Variants in CFAP69 observed in about 807,000 individuals in gnomAD.
CFAP69 encodes cilia and flagella associated protein 69, also known as cilia- and flagella-associated protein 69.
A neutral mutation model predicts 123.0 loss-of-function variants in CFAP69; 92 were observed. That is an observed-to-expected ratio of 0.75 (90% CI 0.63 to 0.89). The LOEUF is 0.89. Among genes scored for constraint, CFAP69 ranks in the 40% least tolerant of loss-of-function variants. The pLI, the probability that CFAP69 is intolerant of heterozygous loss-of-function variation, is 0.00. For synonymous variants in CFAP69, 380 were observed against 364.3 expected (o/e 1.04, Z -0.49); for missense variants, 1,067 against 1,096.9 (o/e 0.97, Z 0.39).
chr7:90,277,912 C>T (rs765387455), intron 11 of CFAP69, among the ~76,000 whole-genome samples: 8 of 152,114 alleles, frequency 5.3e-5, no homozygotes, highest in Non-Finnish European at 8.8e-5. Context: ...CCTCGTCTAT[C>T]TGTGGTTCAT....
At chr7:90,319,044 A>C in the CFAP69 span, 7 of 222,504 alleles carry the variant, frequency 3.1e-5, no homozygotes. Context: ...TTTCTTCAAC[A>C]AATGTAATAT....
chr7:90,277,664 A>G (rs17866982), intron 11 of CFAP69, among the ~76,000 whole-genome samples: 4 of 152,302 alleles, frequency 2.6e-5, no homozygotes, highest in East Asian at 3.8e-4. Flanking sequence ...GTCTCTGACC[A>G]TAACAAGGAC....
the CFAP69 span, chr7:90,318,277 G>C: frequency 6.6e-6 from 1 of 151,994 alleles, no homozygotes; most frequent in Non-Finnish European, 1.5e-5. Context: ...GATATAAATA[G>C]GCAATATAAA....
chr7:90,294,544 C>T (rs1351358806), intron 15 of CFAP69, among the ~76,000 whole-genome samples: 4 of 152,236 alleles, frequency 2.6e-5, no homozygotes, highest in African/African-American at 7.2e-5. Flanking sequence ...GGACCGGGGC[C>T]GCCATTGTGA....
chr7:90,302,838 C>T (rs890147912), intron 17 of CFAP69: 1 of 151,942 alleles, frequency 6.6e-6, no homozygotes, highest in African/African-American at 2.4e-5. Flanking sequence ...GAATAGTTTT[C>T]TCTAGTTATG....
intron 14 of CFAP69, 195 bp downstream of exon 14, chr7:90,286,594 A>T: frequency 2.1e-6 from 1 of 480,928 alleles, no homozygotes. Flanking sequence ...CCCCCAATTA[A>T]AACAGAGAAT....
chr7:90,280,526 C>G (rs941855702), intron 12 of CFAP69, among the ~76,000 whole-genome samples: 2 of 152,174 alleles, frequency 1.3e-5, no homozygotes, highest in Non-Finnish European at 2.9e-5. Context: ...TATTATAATG[C>G]ATTCATTCAA....
At chr7:90,294,724 C>T (rs866087034) in intron 15 of CFAP69, among the ~76,000 whole-genome samples, 18 of 152,212 alleles carry the variant, frequency 1.2e-4, no homozygotes, top group Admixed American at 3.3e-4. Flanking sequence ...ACCCTATGTT[C>T]TCTCCTAAGG....
chr7:90,300,164 GTTTT>G, intron 17 of CFAP69, 105 bp downstream of exon 17: 3 of 1,072,316 alleles, frequency 2.8e-6, no homozygotes, highest in Non-Finnish European at 3.5e-6. Flanking sequence ...TTTGTCTAAA[GTTTT>G]TTTTTTTTTT....
chr7:90,296,906 C>A (rs1792067765), intron 15 of CFAP69, among the ~76,000 whole-genome samples: 1 of 151,908 alleles, frequency 6.6e-6, no homozygotes, highest in Non-Finnish European at 1.5e-5. Context: ...TTGTTGAGAC[C>A]AAGTTTCTTA....
chr7:90,281,508 C>A (rs1472527542), intron 12 of CFAP69, among the ~76,000 whole-genome samples: 1 of 151,998 alleles, frequency 6.6e-6, no homozygotes, highest in Non-Finnish European at 1.5e-5. Context: ...ATGATACTGC[C>A]AATCAGTGAG....
chr7:90,299,319 A>G (rs6945823), intron 16 of CFAP69, among the ~76,000 whole-genome samples: 5,344 of 152,236 alleles, frequency 0.035, 128 homozygotes, highest in South Asian at 0.057. Context: ...ATGCTTTATA[A>G]TAGGAGAATT....
chr7:90,274,387 C>G (rs1800428135), intron 9 of CFAP69, among the ~76,000 whole-genome samples: 1 of 152,158 alleles, frequency 6.6e-6, no homozygotes. Flanking sequence ...CATCTGGCAT[C>G]ATTTCTCTTT....
rs748776156 is a variant in CFAP69 at position 90,282,877 on chromosome 7, A to G, written c.1373-15A>G. The G allele has an allele frequency of 1.1e-5, 16 of 1,439,496 alleles. No homozygotes were observed. The highest frequency in any genetic ancestry group is 5.1e-5 in the Admixed American group (2 of 39,198). The allele number at this position is 1,439,496 out of a possible 1,614,324, so 89.2% of individuals were successfully genotyped here. ...TGAAATGTTTTTGTTTTAAATTATC[A>G]CTTTTTCTCCACAGATCCGTTTTTC... On this transcript the variant is annotated splice_polypyrimidine_tract_variant and intron_variant, in intron 12 of 22. Coordinates refer to ENST00000389297, the MANE Select transcript of CFAP69 (RefSeq NM_001039706.3).
downstream of CFAP69, among the ~76,000 whole-genome samples, chr7:90,313,711 A>T (rs1794520631): frequency 6.6e-6 from 1 of 152,116 alleles, no homozygotes. Context: ...AAAGGAAGGG[A>T]AAAAAGGAAG....
intron 15 of CFAP69, among the ~76,000 whole-genome samples, chr7:90,296,167 T>C (rs1028763635): frequency 2.0e-5 from 3 of 152,196 alleles, no homozygotes; most frequent in South Asian, 2.1e-4. Context: ...CAAAATAATC[T>C]CAACTGCAAA....
chr7:90,300,383 A>G, intron 17 of CFAP69: 1 of 875,990 alleles, frequency 1.1e-6, no homozygotes, highest in Non-Finnish European at 1.4e-6. Flanking sequence ...TTTCATTGAG[A>G]TGTAAATAGA....
intron 15 of CFAP69, among the ~76,000 whole-genome samples, chr7:90,290,436 C>T (rs1377820756): frequency 6.6e-6 from 1 of 152,208 alleles, no homozygotes; most frequent in African/African-American, 2.4e-5. Flanking sequence ...CTTACTCAGC[C>T]TTTGCATTCT....
At chr7:90,258,471 C>T (rs1797920083) in intron 3 of CFAP69, among the ~76,000 whole-genome samples, 2 of 152,128 alleles carry the variant, frequency 1.3e-5, no homozygotes, top group African/African-American at 4.8e-5. Flanking sequence ...CCCCCACTGG[C>T]ATCACTCTCA....
Sources: allele counts gnomAD v4.1 joint callset (sites outside exome capture counted in the v4.1 genomes callset), GRCh38; gene constraint gnomAD v4.1.1; transcripts MANE v1.5; gene names NCBI Gene and HGNC (gene_info 2026-07-23, HGNC 2026-07-21).